TNRC6B: variants seen among roughly 807,000 people sequenced by gnomAD.
TNRC6B encodes the protein trinucleotide repeat-containing gene 6B protein.
Under a neutral mutation model 203.6 loss-of-function variants are expected in TNRC6B, and 52 were observed. The observed-to-expected ratio is 0.26, with a 90% CI of 0.20 to 0.32. TNRC6B has a LOEUF of 0.32. Among genes scored for constraint, TNRC6B ranks in the 10% least tolerant of loss-of-function variants. The pLI, the probability that TNRC6B is intolerant of heterozygous loss-of-function variation, is 1.00. For missense variants in TNRC6B, 1,923 were observed against 2,286.2 expected (o/e 0.84, Z 3.24); for synonymous variants, 838 against 845.7 (o/e 0.99, Z 0.16).
chr22:40,216,201 G>C (rs2069632807), intron 1 of TNRC6B, among the ~76,000 whole-genome samples: 2 of 152,084 alleles, frequency 1.3e-5, no homozygotes, highest in South Asian at 4.1e-4. Context: ...TTTCTTTCTT[G>C]GGCCTCAGTT....
At chr22:40,146,753 C>T (rs1182815677) in intron 3 of TNRC6B, among the ~76,000 whole-genome samples, 3 of 151,958 alleles carry the variant, frequency 2.0e-5, no homozygotes, top group Non-Finnish European at 4.4e-5. Context: ...GTAGTAGAGA[C>T]AGGGTTTCGC....
intron 1 of TNRC6B, among the ~76,000 whole-genome samples, chr22:40,102,638 A>G (rs1419739174): frequency 2.6e-5 from 4 of 152,272 alleles, no homozygotes; most frequent in Non-Finnish European, 4.4e-5. Flanking sequence ...TAGATATACA[A>G]TTAAAACATA....
At chr22:40,169,720 A>G (rs1405605899) in intron 4 of TNRC6B, among the ~76,000 whole-genome samples, 2 of 152,144 alleles carry the variant, frequency 1.3e-5, no homozygotes, top group African/African-American at 4.8e-5. Context: ...ATCTGATTGT[A>G]TCTCTACCAG....
intron 3 of TNRC6B, among the ~76,000 whole-genome samples, chr22:40,129,817 A>G (rs925741058): frequency 6.6e-5 from 10 of 152,210 alleles, no homozygotes; most frequent in African/African-American, 2.4e-4. Context: ...GTATAGATGA[A>G]GCAGGAATGG....
intron 1 of TNRC6B, among the ~76,000 whole-genome samples, chr22:40,230,812 T>G (rs2069859839): frequency 6.6e-6 from 1 of 152,144 alleles, no homozygotes; most frequent in South Asian, 2.1e-4. Context: ...AAAATAATTT[T>G]TCTAACATAG....
chr22:40,175,490 A>G (rs2069047270), upstream of TNRC6B, among the ~76,000 whole-genome samples: 1 of 152,226 alleles, frequency 6.6e-6, no homozygotes, highest in Non-Finnish European at 1.5e-5. Context: ...ACATATAAAT[A>G]TTTGTATACA....
chr22:40,292,192 T>G (rs557683604), intron 12 of TNRC6B, among the ~76,000 whole-genome samples: 1 of 132,062 alleles, frequency 7.6e-6, no homozygotes, highest in East Asian at 2.5e-4. Flanking sequence ...AGACTCCGTC[T>G]CAAAAAAAAA....
chr22:40,316,740 G>C (rs1445753802), intron 21 of TNRC6B, among the ~76,000 whole-genome samples: 1 of 152,184 alleles, frequency 6.6e-6, no homozygotes, highest in Non-Finnish European at 1.5e-5. Context: ...CCCCACCCAA[G>C]GTTCACAGTC....
chr22:40,107,118 AT>A, intron 1 of TNRC6B: 2 of 619,472 alleles, frequency 3.2e-6, no homozygotes, highest in Non-Finnish European at 5.7e-6. Context: ...AATACTCTTA[AT>A]TTTCATGTAG....
chr22:40,262,029 C>T lies in TNRC6B; in HGVS notation c.313C>T (p.Leu105=). 1 of 1,603,142 alleles carries T rather than the reference C, an allele frequency of 6.2e-7. No individual in the cohort carries two copies. The highest frequency in any genetic ancestry group is 1.1e-5 in the South Asian group (1 of 89,830). ...FRCQQDHKVL[L]KRGQPPPPSC... ...TTGCCAGCAGGACCACAAAGTGTTACTAAAACGTGGGCAGCCCCCTCCACC... is the reference window on the plus strand; with the variant it reads ...TTGCCAGCAGGACCACAAAGTGTTATTAAAACGTGGGCAGCCCCCTCCACC... The change falls in exon 4 of 23, where the codon CTA becomes TTA. Residue 105 remains leucine, a synonymous_variant. Coordinates refer to ENST00000454349, the MANE Select transcript of TNRC6B (RefSeq NM_001162501.2).
At chr22:40,196,683 C>T (rs1245242204) in intron 1 of TNRC6B, among the ~76,000 whole-genome samples, 1 of 150,360 alleles carries the variant, frequency 6.7e-6, no homozygotes, top group Non-Finnish European at 1.5e-5. Flanking sequence ...TCTGGTTTCC[C>T]TTTGTTTGGG....
At chr22:40,271,815 G>C (rs2070566959) in intron 6 of TNRC6B, among the ~76,000 whole-genome samples, 1 of 152,200 alleles carries the variant, frequency 6.6e-6, no homozygotes, top group East Asian at 1.9e-4. Flanking sequence ...CTGTGGGTAA[G>C]TTAAATGTGT....
intron 1 of TNRC6B, among the ~76,000 whole-genome samples, chr22:40,192,299 ATAAAT>A (rs2069284788): frequency 1.3e-5 from 2 of 152,230 alleles, no homozygotes; most frequent in South Asian, 4.1e-4. Flanking sequence ...AGTGGAGAAC[ATAAAT>A]TAAGGTAGTG....
intron 1 of TNRC6B, among the ~76,000 whole-genome samples, chr22:40,089,359 G>C (rs1752391037): frequency 6.6e-6 from 1 of 151,534 alleles, no homozygotes; most frequent in South Asian, 2.1e-4. Context: ...CAGCCTCCCC[G>C]GTAGCTGGGA....
At chr22:40,319,530 G>A (rs545009591) in intron 21 of TNRC6B, among the ~76,000 whole-genome samples, 1 of 151,614 alleles carries the variant, frequency 6.6e-6, no homozygotes, top group South Asian at 2.1e-4. Context: ...GGTTAATGCG[G>A]TTCTCATGTC....
intron 1 of TNRC6B, among the ~76,000 whole-genome samples, chr22:40,230,388 C>T (rs1474935128): frequency 1.3e-5 from 2 of 150,014 alleles, no homozygotes; most frequent in Non-Finnish European, 3.0e-5. Flanking sequence ...CTCCCAGGCT[C>T]AAGCAATTTC....
chr22:40,269,717 C>T (rs1447229146), intron 5 of TNRC6B, among the ~76,000 whole-genome samples: 1 of 149,702 alleles, frequency 6.7e-6, no homozygotes, highest in Non-Finnish European at 1.5e-5. Flanking sequence ...CCTGTCTCTA[C>T]TTAAAAAAAA....
chr22:40,303,396 A>T (rs2071051206), intron 15 of TNRC6B, among the ~76,000 whole-genome samples: 1 of 152,044 alleles, frequency 6.6e-6, no homozygotes, highest in South Asian at 2.1e-4. Context: ...TTACTGAAGA[A>T]ATTTTATTAT....
Position 40,332,892 on chromosome 22 carries a change from T to A in TNRC6B, c.*9651T>A, listed in dbSNP as rs1332276325. ...TAAAATATGTTTTCTTCTTTTGTAT[T>A]TTTTTGGTTTTTGTTTTTAAGCCAT... On this transcript the variant is annotated 3_prime_UTR_variant, in exon 23 of 23. Coordinates refer to ENST00000454349, the MANE Select transcript of TNRC6B (RefSeq NM_001162501.2). 1 of 152,638 alleles carries A rather than the reference T, an allele frequency of 6.6e-6. No homozygotes were observed. Among genetic ancestry groups the A allele is most frequent in the Non-Finnish European group, 1.5e-5 (1 of 68,046 alleles). The allele number at this position is 152,638 out of a possible 1,614,324, so 9.5% of individuals were successfully genotyped here.
Sources: allele counts gnomAD v4.1 joint callset (sites outside exome capture counted in the v4.1 genomes callset), GRCh38; gene constraint gnomAD v4.1.1; transcripts MANE v1.5; gene names NCBI Gene and HGNC (gene_info 2026-07-23, HGNC 2026-07-21).